The following AP2B1 variants were observed in gnomAD, a reference collection of about 807,000 sequenced individuals.
The protein encoded by AP2B1 is adaptor related protein complex 2 subunit beta 1.
Under a neutral mutation model 102.0 loss-of-function variants are expected in AP2B1, and 23 were observed. That is an observed-to-expected ratio of 0.23 (90% CI 0.16 to 0.32). AP2B1 has a LOEUF of 0.32. Ranked by LOEUF, AP2B1 falls within the 10% of genes least tolerant of loss-of-function variation. AP2B1 has a pLI of 1.00. For synonymous variants in AP2B1, 381 were observed against 421.2 expected (o/e 0.90, Z 1.17); for missense variants, 541 against 1,157.4 (o/e 0.47, Z 7.73).
At chr17:35,590,170 C>T (rs543573709) in intron 1 of AP2B1, among the ~76,000 whole-genome samples, 2 of 152,166 alleles carry the variant, frequency 1.3e-5, no homozygotes, top group Admixed American at 6.5e-5. Flanking sequence ...GTGATCCGCC[C>T]GCCTCCCAAA....
intron 21 of AP2B1, among the ~76,000 whole-genome samples, chr17:35,719,406 AC>A (rs1354226510): frequency 6.6e-6 from 1 of 151,852 alleles, no homozygotes; most frequent in Non-Finnish European, 1.5e-5. Flanking sequence ...TCAGACTCTC[AC>A]CCCAGCCCTA....
At chr17:35,602,139 A>G (rs2073509919) in intron 3 of AP2B1, among the ~76,000 whole-genome samples, 1 of 152,186 alleles carries the variant, frequency 6.6e-6, no homozygotes, top group East Asian at 1.9e-4. Flanking sequence ...ACTTAGCACT[A>G]TACCACTTAT....
intron 3 of AP2B1, among the ~76,000 whole-genome samples, chr17:35,599,829 G>C (rs1004264490): frequency 1.3e-5 from 2 of 152,150 alleles, no homozygotes; most frequent in African/African-American, 4.8e-5. Flanking sequence ...AGAATTGCTT[G>C]AACTCAGGAG....
intron 3 of AP2B1, among the ~76,000 whole-genome samples, chr17:35,602,464 A>G (rs1255591410): frequency 6.6e-6 from 1 of 152,222 alleles, no homozygotes; most frequent in East Asian, 1.9e-4. Context: ...CAAGTGCAGC[A>G]CTGGCCAGTG....
intron 3 of AP2B1, 126 bp from the exon 4 acceptor site, chr17:35,605,579 G>T: frequency 1.4e-6 from 1 of 733,602 alleles, no homozygotes; most frequent in Non-Finnish European, 2.3e-6. Flanking sequence ...TTCTGTGACA[G>T]TTACCACTGT....
In AP2B1 at chr17:35,643,027, C is replaced by CTT. The variant is rs541834442; in HGVS notation, c.1536+1065_1536+1066dup. On this transcript the variant is annotated intron_variant, in intron 12 of 21. Transcript: ENST00000610402. ...TTATTCCTCCCACACCCCCCACAGCCTTTTTTTTTTTTTTGTACTCTGTTT... is the reference window on the plus strand; with the variant it reads ...TTATTCCTCCCACACCCCCCACAGCCTTTTTTTTTTTTTTTTGTACTCTGTTT... 5.8e-4 allele frequency among the ~76,000 whole-genome samples: 81 copies of CTT among 140,290 alleles called. 1 individual carries two copies. The highest frequency in any genetic ancestry group is 5.6e-4 in the Non-Finnish European group (36 of 64,200). The allele number at this position is 140,290 out of a possible 152,430, so 92.0% of individuals were successfully genotyped here.
intron 16 of AP2B1, among the ~76,000 whole-genome samples, chr17:35,673,041 T>G (rs2075623014): frequency 6.6e-6 from 1 of 152,188 alleles, no homozygotes; most frequent in South Asian, 2.1e-4. Context: ...TGATACACCA[T>G]AATTTATTTA....
At chr17:35,645,534 TA>T (rs2074907350) in intron 12 of AP2B1, among the ~76,000 whole-genome samples, 2 of 152,262 alleles carry the variant, frequency 1.3e-5, no homozygotes, top group East Asian at 3.9e-4. Flanking sequence ...TTCAATACAA[TA>T]TTCAGTTCAA....
At chr17:35,621,286 G>A (rs1006700119) in intron 5 of AP2B1, 3 of 985,000 alleles carry the variant, frequency 3.0e-6, no homozygotes, top group African/African-American at 1.7e-5. Flanking sequence ...GATTCAGTGC[G>A]ACTGATTTAT....
intron 18 of AP2B1, among the ~76,000 whole-genome samples, chr17:35,708,168 ACT>A (rs2076380876): frequency 1.3e-5 from 2 of 152,200 alleles, no homozygotes; most frequent in Admixed American, 1.3e-4. Flanking sequence ...GCACTTTTTA[ACT>A]CTGTTTTTAG....
chr17:35,598,434 C>A, intron 3 of AP2B1, 99 bp downstream of exon 3: 1 of 673,658 alleles, frequency 1.5e-6, no homozygotes, highest in Non-Finnish European at 2.4e-6. Context: ...ATCATAGAAC[C>A]TCTAAGAATG....
In AP2B1 at chr17:35,703,264, C is replaced by CAAA. The variant is rs57503007; in HGVS notation, c.2455-5944_2455-5942dup. 7.6e-4 allele frequency among the ~76,000 whole-genome samples: 77 copies of CAAA among 101,810 alleles called. 2 individuals are homozygous for CAAA. Among genetic ancestry groups the CAAA allele is most frequent in the African/African-American group, 2.2e-3 (55 of 25,368 alleles). 66.8% of individuals were successfully genotyped at this position (101,810 alleles called of 152,430 possible). Reference sequence around the variant, plus strand: ...TGGGTGACAGAGCCAGACTCCATCTCAAAAAAAAAAAAAAAAAAGACCTAA... The same window carrying CAAA: ...TGGGTGACAGAGCCAGACTCCATCTCAAAAAAAAAAAAAAAAAAAAAGACCTAA... On this transcript the variant is annotated intron_variant, in intron 18 of 21. Transcript: ENST00000610402.
At chr17:35,598,146 C>T (rs997390463) in intron 2 of AP2B1, 84 bp from the exon 3 acceptor site, 9 of 584,658 alleles carry the variant, frequency 1.5e-5, no homozygotes, top group South Asian at 4.4e-5. Context: ...CCCTGCTATC[C>T]TGGTATTGGT....
intron 11 of AP2B1, 144 bp downstream of exon 11, chr17:35,639,904 T>A: frequency 1.4e-6 from 1 of 720,668 alleles, no homozygotes; most frequent in Middle Eastern, 3.3e-4. Context: ...ATGTCTCTTC[T>A]CAGTTTTACT....
At chr17:35,702,617 G>C (rs972382141) in intron 18 of AP2B1, among the ~76,000 whole-genome samples, 5 of 152,192 alleles carry the variant, frequency 3.3e-5, no homozygotes, top group Non-Finnish European at 5.9e-5. Flanking sequence ...AGATCACTCT[G>C]GCTGCTATGT....
At chr17:35,713,976 T>C (rs587756115) in intron 20 of AP2B1, among the ~76,000 whole-genome samples, 1 of 152,350 alleles carries the variant, frequency 6.6e-6, no homozygotes, top group South Asian at 2.1e-4. Flanking sequence ...TTAATAGGTA[T>C]CTGGGACTAC....
intron 1 of AP2B1, among the ~76,000 whole-genome samples, chr17:35,589,576 A>G (rs1299275580): frequency 6.6e-6 from 1 of 152,188 alleles, no homozygotes; most frequent in Non-Finnish European, 1.5e-5. Flanking sequence ...GGTTATGTTA[A>G]ATCTGGATAT....
chr17:35,672,268 T>C (rs1394077484), intron 16 of AP2B1, among the ~76,000 whole-genome samples: 1 of 152,204 alleles, frequency 6.6e-6, no homozygotes. Flanking sequence ...TCTTTCCCCA[T>C]TGGTATTACG....
chr17:35,633,371 A>AAG (rs397694487), intron 9 of AP2B1, among the ~76,000 whole-genome samples: 4 of 151,638 alleles, frequency 2.6e-5, no homozygotes, highest in African/African-American at 9.7e-5. Context: ...AAAAAAAAAA[A>AAG]CAGACTGCAG....
Sources: allele counts gnomAD v4.1 joint callset (sites outside exome capture counted in the v4.1 genomes callset), GRCh38; gene constraint gnomAD v4.1.1; transcripts MANE v1.5; gene names NCBI Gene and HGNC (gene_info 2026-07-23, HGNC 2026-07-21).